SLC5A11: variants seen among roughly 807,000 people sequenced by gnomAD.
SLC5A11 encodes solute carrier family 5 member 11.
A neutral mutation model predicts 69.8 loss-of-function variants in SLC5A11; 48 were observed. That is an observed-to-expected ratio of 0.69 (90% CI 0.55 to 0.87). The LOEUF (loss-of-function observed/expected upper bound fraction) is 0.87, where lower values mean the gene tolerates loss of function less well. Among genes scored for constraint, SLC5A11 ranks in the 40% least tolerant of loss-of-function variants. The pLI, the probability that SLC5A11 is intolerant of heterozygous loss-of-function variation, is 0.00. For synonymous variants in SLC5A11, 319 were observed against 342.4 expected, an observed-to-expected ratio of 0.93 and a Z score of 0.75; for missense variants, 784 against 866.1, an observed-to-expected ratio of 0.91 and a Z score of 1.19.
At chr16:24,910,191 G>A (rs2152427276) in intron 14 of SLC5A11, 115 bp from the exon 16 acceptor site, 2 of 996,788 alleles carry the variant, frequency 2.0e-6, no homozygotes, top group Admixed American at 4.8e-5. Flanking sequence ...GTGGGGCTGG[G>A]AGCAGATTCA....
At position 24,910,391 on chromosome 16, in the gene SLC5A11, T is replaced by G. The variant is rs145226478; in HGVS notation, c.1736T>G (p.Leu579Arg). 5 of 1,614,076 alleles carry G rather than the reference T, an allele frequency of 3.1e-6. No homozygotes were observed. The highest frequency in any genetic ancestry group is 4.2e-6 in the Non-Finnish European group (5 of 1,180,020). ...CCAGCAGCTCCCTTGTCTCTTACCC[T>G]CTCTCAGAACGGGATGCCAGAGGCC... is the stretch of plus-strand genomic sequence containing the variant. Residue 579 changes from leucine to arginine, a missense_variant, in exon 15 of 16, where the codon CTC becomes CGC. Transcript: ENST00000347898.
chr16:24,902,319 G>T (rs984106875), intron 10 of SLC5A11, among the ~76,000 whole-genome samples: 3 of 151,786 alleles, frequency 2.0e-5, no homozygotes, highest in Admixed American at 6.6e-5. Flanking sequence ...TGAATGTAAA[G>T]GTTAAGGGGG....
intron 13 of SLC5A11, 115 bp downstream of exon 14, chr16:24,908,246 G>A (rs1016505604): frequency 3.4e-5 from 41 of 1,218,648 alleles, no homozygotes; most frequent in Non-Finnish European, 4.2e-5. Context: ...GGTGTTGAGA[G>A]GGAGGGTGAG....
chr16:24,879,251 G>T (rs933310449), intron 7 of SLC5A11, among the ~76,000 whole-genome samples: 1 of 151,862 alleles, frequency 6.6e-6, no homozygotes, highest in East Asian at 1.9e-4. Flanking sequence ...GTACATGCAG[G>T]TTTGTTAATA....
chr16:24,863,794 T>A (rs973183477), intron 3 of SLC5A11, among the ~76,000 whole-genome samples: 1 of 152,166 alleles, frequency 6.6e-6, no homozygotes, highest in African/African-American at 2.4e-5. Context: ...TCCATCTCTC[T>A]CTCTTTAGCT....
chr16:24,895,133 A>T (rs1421016209), intron 9 of SLC5A11, among the ~76,000 whole-genome samples: 5 of 151,252 alleles, frequency 3.3e-5, no homozygotes, highest in Non-Finnish European at 7.4e-5. Context: ...TCAGAAAAAA[A>T]GAAAGAAAGA....
intron 9 of SLC5A11, among the ~76,000 whole-genome samples, chr16:24,894,992 G>C (rs183394011): frequency 6.6e-6 from 1 of 152,052 alleles, no homozygotes; most frequent in Non-Finnish European, 1.5e-5. Flanking sequence ...GGGTGTGGTG[G>C]TGTATGCCTG....
At chr16:24,901,931 TACACAC>T (rs749172893) in intron 10 of SLC5A11, among the ~76,000 whole-genome samples, 5 of 138,032 alleles carry the variant, frequency 3.6e-5, no homozygotes, top group South Asian at 2.3e-4. Context: ...GAAAAAAAAA[TACACAC>T]ACACACACAC....
chr16:24,870,442 A>AACACACACACACAC (rs1555523056), intron 4 of SLC5A11, among the ~76,000 whole-genome samples: 4 of 140,554 alleles, frequency 2.8e-5, no homozygotes, highest in Non-Finnish European at 3.1e-5. Context: ...AACAAAAAAA[A>AACACACACACACAC]ACACACACAC....
At chr16:24,884,184 G>GATATCCCTGCT in intron 8 of SLC5A11, 53 bp downstream of exon 9, 1 of 1,548,994 alleles carries the variant, frequency 6.5e-7, no homozygotes, top group Non-Finnish European at 8.9e-7. Flanking sequence ...CTCTCCAGCA[G>GATATCCCTGCT]GGATATCTGC....
At chr16:24,891,411 C>T (rs1312440672) in intron 9 of SLC5A11, among the ~76,000 whole-genome samples, 1 of 150,052 alleles carries the variant, frequency 6.7e-6, no homozygotes, top group Non-Finnish European at 1.5e-5. Flanking sequence ...ATCTCCTGGG[C>T]TCAAGAGATC....
At chr16:24,869,278 C>T (rs2047123031) in intron 3 of SLC5A11, among the ~76,000 whole-genome samples, 2 of 152,112 alleles carry the variant, frequency 1.3e-5, no homozygotes, top group Non-Finnish European at 2.9e-5. Context: ...AGCACACACA[C>T]ACCTCACTGG....
intron 9 of SLC5A11, among the ~76,000 whole-genome samples, chr16:24,891,870 T>G (rs1355865418): frequency 6.6e-6 from 1 of 151,900 alleles, no homozygotes; most frequent in African/African-American, 2.4e-5. Context: ...TTATGTGAGA[T>G]GTTAAAGTTT....
At chr16:24,904,820 G>A (rs571309782) in intron 10 of SLC5A11, among the ~76,000 whole-genome samples, 5 of 152,074 alleles carry the variant, frequency 3.3e-5, no homozygotes, top group South Asian at 4.2e-4. Flanking sequence ...TGTGCAGAAC[G>A]TGCAGCTTTG....
In SLC5A11 at chr16:24,874,779, G is replaced by A. The variant is rs993109550; in HGVS notation, c.373-848G>A. Among the ~76,000 whole-genome samples, 4 of 151,922 alleles carry A rather than the reference G, an allele frequency of 2.6e-5. No homozygotes were observed. In the East Asian group the frequency reaches 5.8e-4, roughly 22 times the overall value. ...GTATTTTTAGTAGAGACGGGGTTTC[G>A]CCAAGTTGTCCAGGCTGGTGTTGAA... On this transcript the variant is annotated intron_variant, in intron 5 of 15. Transcript: ENST00000347898.
intron 7 of SLC5A11, among the ~76,000 whole-genome samples, chr16:24,883,125 G>A (rs1348672130): frequency 6.6e-6 from 1 of 152,198 alleles, no homozygotes; most frequent in Non-Finnish European, 1.5e-5. Context: ...AGCACCTTGG[G>A]AGGCCGAGGC....
intron 9 of SLC5A11, among the ~76,000 whole-genome samples, chr16:24,893,366 C>T (rs1383335451): frequency 1.3e-5 from 2 of 151,840 alleles, no homozygotes; most frequent in East Asian, 3.9e-4. Context: ...GCAACAGCAA[C>T]ACTCTGTCTC....
At chr16:24,906,859 G>T (rs2050103782) in intron 11 of SLC5A11, 95 bp downstream of exon 12, 1 of 1,389,524 alleles carries the variant, frequency 7.2e-7, no homozygotes. Flanking sequence ...AAGAAAGGAG[G>T]GCTGGTGGGG....
intron 7 of SLC5A11, among the ~76,000 whole-genome samples, chr16:24,878,293 G>T (rs1221093838): frequency 6.6e-6 from 1 of 152,208 alleles, no homozygotes; most frequent in East Asian, 1.9e-4. Flanking sequence ...TACAAGGCTG[G>T]ATAATAAACT....
Sources: allele counts gnomAD v4.1 joint callset (sites outside exome capture counted in the v4.1 genomes callset), GRCh38; gene constraint gnomAD v4.1.1; transcripts MANE v1.5; gene names NCBI Gene and HGNC (gene_info 2026-07-23, HGNC 2026-07-21).